Variants in CRB2 observed in about 807,000 individuals in gnomAD.
CRB2 encodes the protein crumbs cell polarity complex component 2.
CRB2 carries 85 observed loss-of-function variants against 110.9 expected under a neutral mutation model. That is an observed-to-expected ratio of 0.77 (90% confidence interval 0.64 to 0.92). CRB2 has a LOEUF of 0.92. CRB2 is among the 40% of genes least tolerant of loss of function. The pLI is 0.00. For missense variants in CRB2, 1,843 were observed against 1,851.3 expected (o/e 1.00, Z 0.08); for synonymous variants, 907 against 831.0 (o/e 1.09, Z -1.57).
At chr9:123,378,802 T>TTG (rs2042149740), downstream of CRB2, 1 of 65,266 alleles carries the variant, frequency 1.5e-5, no homozygotes, top group African/African-American at 7.2e-5. Flanking sequence ...GTGCCTGTTT[T>TTG]TTGTTTTTTT....
At position 123,373,629 on chromosome 9, in the gene CRB2, C is replaced by CGGCCCCGGCCCGGCGG; in HGVS notation, c.3104_3105insGGCCCGGCGGGGCCCC (p.Gly1036AlafsTer43). On this transcript the variant is annotated frameshift_variant, in exon 10 of 13. Coordinates refer to ENST00000373631, the MANE Select transcript of CRB2 (RefSeq NM_173689.7). LOFTEE classifies it high-confidence loss of function. ...CCCTTGGCGCGGCCCCGGCCCGGCG[C>CGGCCCCGGCCCGGCGG]GGCCCCTGGCGCCCGAGAGCACTTC... The CGGCCCCGGCCCGGCGG allele has an allele frequency of 7.3e-7, 1 of 1,367,706 alleles. No individual in the cohort carries two copies. Among genetic ancestry groups the CGGCCCCGGCCCGGCGG allele is most frequent in the Non-Finnish European group, 9.4e-7 (1 of 1,068,612 alleles). The allele number at this position is 1,367,706 out of a possible 1,614,324, so 84.7% of individuals were successfully genotyped here.
chr9:123,372,254 G>A lies in CRB2; in HGVS notation c.2514G>A (p.Thr838=), dbSNP rs578075073. Residue 838 remains threonine (T), a synonymous_variant, in exon 9 of 13, where the codon ACG becomes ACA. Coordinates refer to ENST00000373631, the MANE Select transcript of CRB2 (RefSeq NM_173689.7). Reference sequence around the variant, plus strand: ...ACTGTACCTGCCCTGCCAATTTCACGGGGCCTACGTGTGCCCAGCAGCTGT... The same window carrying A: ...ACTGTACCTGCCCTGCCAATTTCACAGGGCCTACGTGTGCCCAGCAGCTGT... ...DFHCTCPANF[T]GPTCAQQLWC... is the part of the protein sequence containing the mutation. The A allele has an allele frequency of 4.9e-5, 79 of 1,613,924 alleles. No homozygotes were observed. In the South Asian group the frequency reaches 6.9e-4, roughly 14 times the overall value.
At chr9:123,372,426 AGGATACTGGT>A in intron 9 of CRB2, 84 bp downstream of exon 9, 1 of 1,486,806 alleles carries the variant, frequency 6.7e-7, no homozygotes. Flanking sequence ...CAGGGCTTGT[AGGATACTGGT>A]GGACCAGGCA....
chr9:123,370,487 T>A lies in CRB2; in HGVS notation c.1434T>A (p.Asn478Lys). 3 of 1,613,496 alleles carry A rather than the reference T, an allele frequency of 1.9e-6. No homozygotes were observed. Among genetic ancestry groups the A allele is most frequent in the Non-Finnish European group, 2.5e-6 (3 of 1,180,032 alleles). Residue 478 changes from asparagine (N) to lysine (K), a missense_variant, in exon 7 of 13, where the codon AAT (asparagine) becomes AAA (lysine). Asn to Lys is a moderately conservative substitution (Grantham distance 94). Transcript: ENST00000373631. ...TLPAGTLATRNDTKESLELAL... is the reference protein window; with the variant it reads ...TLPAGTLATRKDTKESLELAL... ...CCGCTGGGACCTTGGCCACTCGCAA[T>A]GACACCAAGGAAAGCTTGGAGCTGG... is the stretch of plus-strand genomic sequence containing the variant.
intron 1 of CRB2, among the ~76,000 whole-genome samples, chr9:123,356,587 G>A (rs2041802009): frequency 6.6e-6 from 1 of 151,518 alleles, no homozygotes; most frequent in South Asian, 2.1e-4. Flanking sequence ...TGTAAGTTTC[G>A]GGGTTGGGGG....
Position 123,356,217 on chromosome 9 carries a change from C to G in CRB2, c.-44C>G. The G allele has an allele frequency of 7.4e-7, 1 of 1,357,444 alleles. No homozygotes were observed. The highest frequency in any genetic ancestry group is 9.6e-7 in the Non-Finnish European group (1 of 1,039,330). 84.1% of individuals were successfully genotyped at this position (1,357,444 alleles called of 1,614,324 possible). A position where few individuals can be genotyped will look rare whatever the true frequency, so the allele number is the denominator to read the frequency against. ...GGGGTGCGGAGCCAGCCAGGCCGCC[C>G]TCCCGTTCTCACAGCAGCCGAGCAG... On this transcript the variant is annotated 5_prime_UTR_variant, in exon 1 of 13. Coordinates refer to ENST00000373631, the MANE Select transcript of CRB2 (RefSeq NM_173689.7).
At chr9:123,354,156 G>C (rs374729986), upstream of CRB2, among the ~76,000 whole-genome samples, 83 of 152,340 alleles carry the variant, frequency 5.4e-4, 2 homozygotes, top group South Asian at 0.017. Flanking sequence ...CCCGTCACGT[G>C]GGACTCCTGT....
chr9:123,354,863 G>A (rs78588985), upstream of CRB2, among the ~76,000 whole-genome samples: 1,275 of 152,248 alleles, frequency 8.4e-3, 16 homozygotes, highest in African/African-American at 0.029. Context: ...CTAGAGGGTC[G>A]GCCAGGGCCT....
rs757695408 is a variant in CRB2, at chr9:123,374,664, T to C, written c.3475T>C (p.Cys1159Arg). 1 of 1,612,072 alleles carries C rather than the reference T, an allele frequency of 6.2e-7. No individual in the cohort carries two copies. Among genetic ancestry groups the C allele is most frequent in the South Asian group, 1.1e-5 (1 of 91,068 alleles). The change falls in exon 11 of 13, where the codon TGC (cysteine) becomes CGC (arginine). Residue 1159 changes from cysteine (C) to arginine (R), a missense_variant. By Grantham distance (180) the Cys-to-Arg change is radical (BLOSUM62 -3). Coordinates refer to ENST00000373631, the MANE Select transcript of CRB2 (RefSeq NM_173689.7). ...TGAGGGTGGCTCTCCCGCTGCCAACTGCAGCTGCCTGGAGGGTCTTGCTGG... is the reference window on the plus strand; with the variant it reads ...TGAGGGTGGCTCTCCCGCTGCCAACCGCAGCTGCCTGGAGGGTCTTGCTGG... ...PCEGGSPAAN[C>R]SCLEGLAGQR... is the part of the protein sequence containing the mutation.
In CRB2 at chr9:123,377,705, A is replaced by G. The variant is rs371198316; in HGVS notation, c.*643A>G. On this transcript the variant is annotated 3_prime_UTR_variant, in exon 13 of 13. Coordinates refer to ENST00000373631, the MANE Select transcript of CRB2 (RefSeq NM_173689.7). ...AGTGGGCTTCTGGCTCCTAGAACAA[A>G]TGTCCCTTCAGGCAGGTCTGTCTGC... is the stretch of plus-strand genomic sequence containing the variant. 3 of 152,300 alleles carry G rather than the reference A, an allele frequency of 2.0e-5. No individual in the cohort carries two copies. Among genetic ancestry groups the G allele is most frequent in the East Asian group, 3.9e-4 (2 of 5,176 alleles). The allele number at this position is 152,300 out of a possible 1,614,324, so 9.4% of individuals were successfully genotyped here. A position where few individuals can be genotyped will look rare whatever the true frequency, so the allele number is the denominator to read the frequency against.
At chr9:123,359,429 C>G (rs141492274) in intron 1 of CRB2, among the ~76,000 whole-genome samples, 2 of 106,258 alleles carry the variant, frequency 1.9e-5, no homozygotes, top group African/African-American at 4.5e-5. Flanking sequence ...TGTGGTTTTT[C>G]GTTTTTGTTT....
chr9:123,362,747 ACTGTGCATG>A, intron 1 of CRB2, 109 bp from the exon 2 acceptor site: 1 of 930,372 alleles, frequency 1.1e-6, no homozygotes, highest in Admixed American at 2.4e-5. Flanking sequence ...CTCTGTCCAT[ACTGTGCATG>A]CAGAGACCCA....
Position 123,367,159 on chromosome 9 carries a change from TG to T in CRB2, c.755-12del. The stretch of plus-strand genomic sequence containing the variant: ...CCCCGTGAGACCTGATGTCCGCGTG[TG>T]TGTGCCCCCAGGCTACAGCGGCGAG... On this transcript the variant is annotated splice_polypyrimidine_tract_variant and intron_variant, in intron 4 of 12. Transcript: ENST00000373631. The T allele has an allele frequency of 6.4e-7, 1 of 1,572,032 alleles. No individual in the cohort carries two copies.
At chr9:123,366,674 C>A (rs1328815157) in intron 4 of CRB2, among the ~76,000 whole-genome samples, 1 of 152,216 alleles carries the variant, frequency 6.6e-6, no homozygotes, top group Admixed American at 6.5e-5. Flanking sequence ...AAGACTAGGC[C>A]GGGCGCGGTG....
intron 1 of CRB2, among the ~76,000 whole-genome samples, chr9:123,357,043 G>T (rs1376853307): frequency 6.6e-6 from 1 of 152,106 alleles, no homozygotes; most frequent in Non-Finnish European, 1.5e-5. Flanking sequence ...CCCTCCATTT[G>T]TGCGGTAGCC....
At chr9:123,356,103 G>T, upstream of CRB2, 1 of 489,540 alleles carries the variant, frequency 2.0e-6, no homozygotes, top group African/African-American at 2.0e-5. Flanking sequence ...AGCCCAGGAG[G>T]CCTGGGTGGG....
intron 6 of CRB2, chr9:123,369,084 G>A (rs536591139): frequency 1.8e-6 from 1 of 570,874 alleles, no homozygotes; most frequent in South Asian, 2.6e-5. Context: ...CCTCCAGCTG[G>A]GATGTGGCTC....
chr9:123,375,975 A>T (rs2042097149), intron 12 of CRB2, among the ~76,000 whole-genome samples: 3 of 152,108 alleles, frequency 2.0e-5, no homozygotes, highest in Admixed American at 2.0e-4. Flanking sequence ...TGATCTCTAC[A>T]GGCTTCTGGC....
upstream of CRB2, among the ~76,000 whole-genome samples, chr9:123,354,065 C>A (rs182799422): frequency 1.3e-5 from 2 of 152,330 alleles, no homozygotes; most frequent in Non-Finnish European, 2.9e-5. Flanking sequence ...TTCTCCAGAT[C>A]CGGACCAGGG....
Sources: allele counts gnomAD v4.1 joint callset (sites outside exome capture counted in the v4.1 genomes callset), GRCh38; gene constraint gnomAD v4.1.1; transcripts MANE v1.5; gene names NCBI Gene and HGNC (gene_info 2026-07-23, HGNC 2026-07-21).